The following SULT4A1 variants were observed in gnomAD, a reference collection of about 807,000 sequenced individuals.
SULT4A1 encodes sulfotransferase family 4A member 1, also known as sulfotransferase 4A1.
In SULT4A1, 11 loss-of-function variants were observed where a neutral mutation model predicts 35.2. The ratio of observed to expected loss-of-function variants is 0.31; its 90% CI spans 0.20 to 0.52. The LOEUF is 0.52. Ranked by LOEUF, SULT4A1 falls within the 20% of genes least tolerant of loss-of-function variation. The probability of loss-of-function intolerance (pLI) is 0.97; values close to 1 mark genes in which losing one functional copy is unlikely to be tolerated. For missense variants in SULT4A1, 271 were observed against 383.7 expected (o/e 0.71, Z 2.45); for synonymous variants, 152 against 151.8 (o/e 1.00, Z -0.01).
intron 6 of SULT4A1, 84 bp from the exon 7 acceptor site, chr22:43,826,197 G>C: frequency 3.8e-6 from 6 of 1,580,782 alleles, no homozygotes; most frequent in South Asian, 2.4e-5. Context: ...AATGGATCTG[G>C]AACATTCCAG....
At chr22:43,857,945 G>A (rs1218545425) in intron 1 of SULT4A1, among the ~76,000 whole-genome samples, 2 of 151,332 alleles carry the variant, frequency 1.3e-5, no homozygotes, top group African/African-American at 4.9e-5. Context: ...AGCTACTTGG[G>A]AGGCTGAGGC....
chr22:43,856,443 G>A (rs1323930438), intron 1 of SULT4A1, among the ~76,000 whole-genome samples: 2 of 152,158 alleles, frequency 1.3e-5, no homozygotes, highest in African/African-American at 4.8e-5. Context: ...TCAGAGGAGG[G>A]CAGGATCAAT....
At chr22:43,850,160 T>C (rs1169375364) in intron 1 of SULT4A1, among the ~76,000 whole-genome samples, 2 of 152,208 alleles carry the variant, frequency 1.3e-5, no homozygotes, top group African/African-American at 4.8e-5. Flanking sequence ...TCTCTCCTCC[T>C]CTAATCCCAC....
chr22:43,837,991 A>T (rs2063391048), intron 4 of SULT4A1, among the ~76,000 whole-genome samples: 1 of 151,016 alleles, frequency 6.6e-6, no homozygotes, highest in Non-Finnish European at 1.5e-5. Flanking sequence ...ATTTAATTAA[A>T]GTGCAGCTAT....
At chr22:43,840,263 G>A (rs1387221273) in intron 2 of SULT4A1, among the ~76,000 whole-genome samples, 2 of 146,252 alleles carry the variant, frequency 1.4e-5, no homozygotes, top group South Asian at 2.3e-4. Context: ...GAGGACGAGG[G>A]AAGGGGTGGG....
chr22:43,833,852 G>T, intron 4 of SULT4A1, 118 bp from the exon 5 acceptor site: 1 of 836,106 alleles, frequency 1.2e-6, no homozygotes, highest in Non-Finnish European at 1.9e-6. Context: ...TGAGGACATC[G>T]TGATCCCTGC....
Position 43,841,881 on chromosome 22 carries a change from G to C in SULT4A1, c.221C>G (p.Pro74Arg), listed in dbSNP as rs757800797. ...VVYLVSQGAD[P>R]DEIGLMNIDE... is the part of the protein sequence containing the mutation. ...GATGTTCATCAAGCCGATCTCATCG[G>C]GGTCAGCGCCCTGGCTCACCAAGTA... Residue 74 changes from proline (P) to arginine (R), a missense_variant, in exon 2 of 7, where the codon CCC becomes CGC. Physicochemically the swap from Pro to Arg is moderately radical, Grantham distance 103. This residue lies in a region of SULT4A1 where 164 missense variants were observed against 254.1 expected (regional missense o/e 0.65). Coordinates refer to ENST00000330884, the MANE Select transcript of SULT4A1 (RefSeq NM_014351.4). The C allele has an allele frequency of 1.9e-6, 3 of 1,614,012 alleles. No individual in the cohort carries two copies. Among genetic ancestry groups the C allele is most frequent in the Non-Finnish European group, 2.5e-6 (3 of 1,179,902 alleles).
intron 5 of SULT4A1, among the ~76,000 whole-genome samples, chr22:43,832,069 A>T (rs532588775): frequency 6.6e-6 from 1 of 152,348 alleles, no homozygotes; most frequent in Admixed American, 6.5e-5. Context: ...GCCAGCATCC[A>T]GAGCCCACGT....
Position 43,862,464 on chromosome 22 carries a change from G to A in SULT4A1, c.-82C>T, listed in dbSNP as rs1358253156. 3 of 513,954 alleles carry A rather than the reference G, an allele frequency of 5.8e-6. No homozygotes were observed. The highest frequency in any genetic ancestry group is 4.8e-6 in the Non-Finnish European group (2 of 416,360). The allele number at this position is 513,954 out of a possible 1,614,324, so 31.8% of individuals were successfully genotyped here. On this transcript the variant is annotated 5_prime_UTR_variant, in exon 1 of 7. Coordinates refer to ENST00000330884, the MANE Select transcript of SULT4A1 (RefSeq NM_014351.4). Reference sequence around the variant, plus strand: ...GCGCCCGCGCCCGCGCCCGCGCCCCGCACACGCTCGCGCCCCACCGGCGCG... The same window carrying A: ...GCGCCCGCGCCCGCGCCCGCGCCCCACACACGCTCGCGCCCCACCGGCGCG...
At chr22:43,851,559 G>A (rs1603409263) in intron 1 of SULT4A1, among the ~76,000 whole-genome samples, 1 of 152,132 alleles carries the variant, frequency 6.6e-6, no homozygotes, top group South Asian at 2.1e-4. Context: ...CACTTCGGTG[G>A]GAGGTACAGG....
intron 3 of SULT4A1, among the ~76,000 whole-genome samples, 177 bp from the exon 4 acceptor site, chr22:43,839,170 C>T (rs1345464607): frequency 6.6e-6 from 1 of 152,252 alleles, no homozygotes; most frequent in Non-Finnish European, 1.5e-5. Context: ...GCTGTTTCAG[C>T]AGAAAGGTGC....
intron 1 of SULT4A1, among the ~76,000 whole-genome samples, chr22:43,847,485 C>T (rs1479030529): frequency 6.6e-6 from 1 of 152,232 alleles, no homozygotes; most frequent in Non-Finnish European, 1.5e-5. Context: ...TGGGCATGGG[C>T]ATGAGCCCTG....
intron 1 of SULT4A1, among the ~76,000 whole-genome samples, chr22:43,847,857 T>C (rs1404467367): frequency 6.6e-6 from 1 of 152,218 alleles, no homozygotes; most frequent in Non-Finnish European, 1.5e-5. Flanking sequence ...TGTTTTAGTT[T>C]CCTGGGGTGC....
At chr22:43,827,553 C>CAATTT (rs750906649) in intron 6 of SULT4A1, 1 of 1,364,426 alleles carries the variant, frequency 7.3e-7, no homozygotes, top group Non-Finnish European at 9.8e-7. Context: ...TATGCTGTGA[C>CAATTT]ATGAATCAAA....
chr22:43,828,064 T>A (rs945064075), intron 6 of SULT4A1, among the ~76,000 whole-genome samples: 6 of 152,198 alleles, frequency 3.9e-5, no homozygotes, highest in African/African-American at 1.4e-4. Context: ...GCTGAAGGCC[T>A]GACCTATGTT....
At chr22:43,842,338 T>G (rs2063439744) in intron 1 of SULT4A1, among the ~76,000 whole-genome samples, 1 of 152,044 alleles carries the variant, frequency 6.6e-6, no homozygotes, top group Non-Finnish European at 1.5e-5. Flanking sequence ...CTGCCCAGTA[T>G]CTACTGAAGC....
At chr22:43,846,756 C>T (rs544112400) in intron 1 of SULT4A1, among the ~76,000 whole-genome samples, 1 of 152,350 alleles carries the variant, frequency 6.6e-6, no homozygotes, top group East Asian at 1.9e-4. Context: ...CTTGCCTGTT[C>T]CTCCTGGTGA....
intron 1 of SULT4A1, 119 bp downstream of exon 1, chr22:43,862,095 G>A (rs2049477357): frequency 9.4e-6 from 6 of 641,166 alleles, no homozygotes; most frequent in Non-Finnish European, 1.3e-5. Context: ...CACGGCAGGG[G>A]CGGAGGCCAA....
intron 4 of SULT4A1, among the ~76,000 whole-genome samples, chr22:43,835,884 C>T (rs2063367512): frequency 6.6e-6 from 1 of 152,188 alleles, no homozygotes; most frequent in Non-Finnish European, 1.5e-5. Context: ...GCACGGAGTC[C>T]CCACAGCAGG....
Sources: gnomAD v4.1 joint callset for allele counts (sites outside exome capture counted in the v4.1 genomes callset) on GRCh38, gnomAD v4.1.1 for gene constraint, gnomAD v4.1.1 regional missense constraint, MANE v1.5 for transcripts, NCBI Gene and HGNC (gene_info 2026-07-23, HGNC 2026-07-21) for gene names.